The following CACNA1D variants were observed in gnomAD, a reference collection of about 807,000 sequenced individuals.
CACNA1D encodes voltage-dependent L-type calcium channel subunit alpha-1D.
In CACNA1D, 55 loss-of-function variants were observed where a neutral mutation model predicts 257.1. The ratio of observed to expected loss-of-function variants is 0.21; its 90% CI spans 0.17 to 0.27. The LOEUF is 0.27. CACNA1D is among the 10% of genes least tolerant of loss of function. CACNA1D has a pLI of 1.00. For missense variants in CACNA1D, 1,876 were observed against 2,784.0 expected, an observed-to-expected ratio of 0.67 and a Z score of 7.34; for synonymous variants, 980 against 1,014.9, an observed-to-expected ratio of 0.97 and a Z score of 0.65.
chr3:53,732,731 C>A, intron 18 of CACNA1D, 84 bp from the exon 19 acceptor site: 1 of 1,346,784 alleles, frequency 7.4e-7, no homozygotes, highest in Non-Finnish European at 1.1e-6. Context: ...AAGTTTAAGC[C>A]AAATTTGCAT....
intron 3 of CACNA1D, among the ~76,000 whole-genome samples, chr3:53,603,884 C>A (rs1275069349): frequency 2.0e-5 from 3 of 152,194 alleles, no homozygotes; most frequent in Non-Finnish European, 4.4e-5. Flanking sequence ...TCCAGGTAAT[C>A]CTAATGCAGC....
chr3:53,628,051 T>A (rs1039258459), intron 3 of CACNA1D, among the ~76,000 whole-genome samples: 5 of 151,992 alleles, frequency 3.3e-5, no homozygotes, highest in Non-Finnish European at 5.9e-5. Flanking sequence ...TAAAATAAAA[T>A]GAGGTATTCA....
chr3:53,769,476 T>C lies in CACNA1D; in HGVS notation c.3871-497T>C, dbSNP rs113680493. 5.0e-3 allele frequency among the ~76,000 whole-genome samples: 757 copies of C among 152,318 alleles called. 10 individuals are homozygous for C. The highest frequency in any genetic ancestry group is 0.017 in the African/African-American group (708 of 41,578). On this transcript the variant is annotated intron_variant, in intron 30 of 47. Transcript: ENST00000350061. ...CTGCCTAAGAGGCTGTTGTCAGACATACACCACCCAGGCGTTTAGTCTCAT... is the reference window on the plus strand; with the variant it reads ...CTGCCTAAGAGGCTGTTGTCAGACACACACCACCCAGGCGTTTAGTCTCAT...
intron 3 of CACNA1D, among the ~76,000 whole-genome samples, chr3:53,528,572 G>A (rs1192132878): frequency 6.6e-6 from 1 of 152,142 alleles, no homozygotes; most frequent in Admixed American, 6.5e-5. Context: ...CTATAAAACA[G>A]CCTTCTGGGG....
At chr3:53,624,976 G>A (rs903739241) in intron 3 of CACNA1D, among the ~76,000 whole-genome samples, 7 of 152,214 alleles carry the variant, frequency 4.6e-5, no homozygotes, top group Non-Finnish European at 8.8e-5. Flanking sequence ...GGGTTGGAGA[G>A]GGGATGAAGG....
rs1245018380 is a variant in CACNA1D, at chr3:53,811,859, G to C, written c.*453G>C. On this transcript the variant is annotated 3_prime_UTR_variant, in exon 48 of 48. Coordinates refer to ENST00000350061, the MANE Select transcript of CACNA1D (RefSeq NM_001128840.3). The surrounding 1 kb of genome is among the most constrained non-coding windows in gnomAD (Gnocchi z 4.2). ...CATCGGTCTAGCATATCAGTCACTGGGCCCAACATATCCATTTTTAAACCC... is the reference window on the plus strand; with the variant it reads ...CATCGGTCTAGCATATCAGTCACTGCGCCCAACATATCCATTTTTAAACCC... 4 of 154,418 alleles carry C rather than the reference G, an allele frequency of 2.6e-5. No homozygotes were observed. Among genetic ancestry groups the C allele is most frequent in the African/African-American group, 9.6e-5 (4 of 41,474 alleles). 9.6% of individuals were successfully genotyped at this position (154,418 alleles called of 1,614,324 possible). A position where few individuals can be genotyped will look rare whatever the true frequency, so the allele number is the denominator to read the frequency against.
In CACNA1D at chr3:53,718,575, ACCCCCCGC is replaced by A. The variant is rs1220091353; in HGVS notation, c.1478+201_1478+208del. 53 of 392,424 alleles carry A rather than the reference ACCCCCCGC, an allele frequency of 1.4e-4. 1 individual carries two copies. The highest frequency in any genetic ancestry group is 6.5e-4 in the Middle Eastern group (1 of 1,550). 24.3% of individuals were successfully genotyped at this position (392,424 alleles called of 1,614,324 possible). A position where few individuals can be genotyped will look rare whatever the true frequency, so the allele number is the denominator to read the frequency against. On this transcript the variant is annotated intron_variant, in intron 10 of 47. Coordinates refer to ENST00000350061, the MANE Select transcript of CACNA1D (RefSeq NM_001128840.3). Reference sequence around the variant, plus strand: ...GGCTATCCCTCCTGCACACCTCCCCACCCCCCGCCCCCCCGCCCCCCGGCCCAGCATTT... The same window carrying A: ...GGCTATCCCTCCTGCACACCTCCCCACCCCCCGCCCCCCGGCCCAGCATTT...
intron 3 of CACNA1D, among the ~76,000 whole-genome samples, chr3:53,573,178 G>A (rs1442709960): frequency 6.6e-6 from 1 of 152,154 alleles, no homozygotes; most frequent in African/African-American, 2.4e-5. Context: ...TGGCCAGCTT[G>A]TTTTCTTGAC....
chr3:53,555,125 T>C (rs1215140657), intron 3 of CACNA1D, among the ~76,000 whole-genome samples: 1 of 152,242 alleles, frequency 6.6e-6, no homozygotes, highest in African/African-American at 2.4e-5. Context: ...TATTTCTATG[T>C]AGTGTATCTG....
chr3:53,505,378 G>T (rs1278899387), intron 3 of CACNA1D, among the ~76,000 whole-genome samples: 2 of 152,014 alleles, frequency 1.3e-5, no homozygotes, highest in Admixed American at 1.3e-4. Flanking sequence ...CAAAGTGCTG[G>T]AATTACAGGC....
At chr3:53,806,876 G>C (rs796807579) in intron 45 of CACNA1D, among the ~76,000 whole-genome samples, 2 of 151,846 alleles carry the variant, frequency 1.3e-5, no homozygotes, top group African/African-American at 4.8e-5. Context: ...GATGGCCCTC[G>C]CCCTTGTGAG....
intron 8 of CACNA1D, among the ~76,000 whole-genome samples, chr3:53,696,640 A>G (rs1237452549): frequency 6.6e-6 from 1 of 152,208 alleles, no homozygotes; most frequent in East Asian, 1.9e-4. Flanking sequence ...ATGTGTCACC[A>G]AAAGCATGAG....
At chr3:53,681,848 G>GGT (rs1219606427) in intron 8 of CACNA1D, among the ~76,000 whole-genome samples, 1 of 152,170 alleles carries the variant, frequency 6.6e-6, no homozygotes, top group East Asian at 1.9e-4. Flanking sequence ...ATCCAGGCAA[G>GGT]GTGGGACAAG....
chr3:53,599,489 T>TA (rs1230123507), intron 3 of CACNA1D, among the ~76,000 whole-genome samples: 5 of 151,846 alleles, frequency 3.3e-5, no homozygotes, highest in African/African-American at 9.7e-5. Context: ...ATCTTGACAT[T>TA]AAAAAAAACA....
intron 14 of CACNA1D, 47 bp downstream of exon 14, chr3:53,724,046 T>A: frequency 1.4e-6 from 2 of 1,440,338 alleles, no homozygotes; most frequent in Non-Finnish European, 2.0e-6. Flanking sequence ...GAGCAGCAGC[T>A]AAAACTCCTC....
chr3:53,779,168 G>A (rs2095413189), intron 37 of CACNA1D, among the ~76,000 whole-genome samples: 2 of 152,116 alleles, frequency 1.3e-5, no homozygotes, highest in Admixed American at 6.5e-5. Flanking sequence ...AATGTGCCTG[G>A]AATGGAGGTC....
intron 21 of CACNA1D, among the ~76,000 whole-genome samples, chr3:53,741,874 A>G (rs534620833): frequency 1.3e-5 from 2 of 152,268 alleles, no homozygotes; most frequent in East Asian, 3.9e-4. Flanking sequence ...GAATATAGTT[A>G]CCCTTGGGCT....
At chr3:53,532,672 TGC>T (rs2091986406) in intron 3 of CACNA1D, among the ~76,000 whole-genome samples, 1 of 152,250 alleles carries the variant, frequency 6.6e-6, no homozygotes, top group Non-Finnish European at 1.5e-5. Context: ...GCATGTATAT[TGC>T]TTTTATGTTT....
intron 40 of CACNA1D, among the ~76,000 whole-genome samples, chr3:53,797,495 GTC>G (rs1365916192): frequency 6.6e-6 from 1 of 152,136 alleles, no homozygotes; most frequent in African/African-American, 2.4e-5. Flanking sequence ...CTCCTCTAAT[GTC>G]TCTTTAATAA....
Sources: gnomAD v4.1 joint callset for allele counts (sites outside exome capture counted in the v4.1 genomes callset) on GRCh38, gnomAD v4.1.1 for gene constraint, Gnocchi (gnomAD v3.1) non-coding constraint, MANE v1.5 for transcripts, NCBI Gene and HGNC (gene_info 2026-07-23, HGNC 2026-07-21) for gene names.